Variants in PTX4 observed in about 807,000 individuals in gnomAD.
PTX4 encodes the protein pentraxin 4, also known as pentraxin-4.
In PTX4, 23 loss-of-function variants were observed where a neutral mutation model predicts 19.1. The observed-to-expected ratio is 1.20, with a 90% confidence interval of 0.87 to 1.70. The LOEUF (loss-of-function observed/expected upper bound fraction) is 1.70, where lower values mean the gene tolerates loss of function less well. Among genes scored for constraint, PTX4 ranks in the 40% most tolerant of loss-of-function variants. PTX4 has a pLI of 0.00. For synonymous variants in PTX4, 317 were observed against 279.6 expected (o/e 1.13, Z -1.33); for missense variants, 678 against 610.5 (o/e 1.11, Z -1.17).
chr16:1,487,389 G>A lies in PTX4; in HGVS notation c.723C>T (p.Ser241=). ...QGRREPPASG[S]HRVLSGTAPK... ...GGGCAGTCCCACTGAGTACCCGATG[G>A]CTGCCTGAGGCTGGAGGCTCCCGCC... is the stretch of plus-strand genomic sequence containing the variant. The change falls in exon 2 of 3, where the codon AGC becomes AGT. Residue 241 remains serine (S), a synonymous_variant. Coordinates refer to ENST00000447419, the MANE Select transcript of PTX4 (RefSeq NM_001328608.2). The A allele has an allele frequency of 6.5e-7, 1 of 1,545,398 alleles. No individual in the cohort carries two copies. The highest frequency in any genetic ancestry group is 1.3e-5 in the South Asian group (1 of 78,926).
chr16:1,487,670 C>T lies in PTX4; in HGVS notation c.442G>A (p.Asp148Asn). 6.2e-7 allele frequency: 1 copy of T among 1,602,748 alleles called. No homozygotes were observed. The highest frequency in any genetic ancestry group is 8.5e-7 in the Non-Finnish European group (1 of 1,172,714). The change falls in exon 2 of 3, where the codon GAC (aspartate) becomes AAC (asparagine). Residue 148 changes from aspartate (D) to asparagine (N), a missense_variant. Coordinates refer to ENST00000447419, the MANE Select transcript of PTX4 (RefSeq NM_001328608.2). ...CGTGCCAGTGAGTCCTGCAGGGCGT[C>T]CCTCTGGGCCTTGTGTGCCTTCCTT... ...RERKAHKAQR[D>N]ALQDSLARLE...
At position 1,486,186 on chromosome 16, in the gene PTX4, G is replaced by T. The variant is rs1404030787; in HGVS notation, c.1190C>A (p.Pro397His). ...SRFREGYEIPPGGSLVLGQEQ... is the reference protein window; with the variant it reads ...SRFREGYEIPHGGSLVLGQEQ... ...CTGGCCCAGCACGAGGGACCCTCCGGGGGGGATCTCATAGCCCTCCCTGAA... is the reference window on the plus strand; with the variant it reads ...CTGGCCCAGCACGAGGGACCCTCCGTGGGGGATCTCATAGCCCTCCCTGAA... The change falls in exon 3 of 3, where the codon CCC becomes CAC. Residue 397 changes from proline (P) to histidine (H), a missense_variant. Pro to His is a moderately conservative substitution (Grantham distance 77). Transcript: ENST00000447419. The T allele has an allele frequency of 2.5e-6, 4 of 1,613,868 alleles. No individual in the cohort carries two copies. The South Asian group carries it at 4.4e-5, about 18-fold the overall frequency.
chr16:1,487,333 G>A lies in PTX4; in HGVS notation c.779C>T (p.Pro260Leu). 1.9e-6 allele frequency: 3 copies of A among 1,550,552 alleles called. No homozygotes were observed. Among genetic ancestry groups the A allele is most frequent in the Non-Finnish European group, 2.6e-6 (3 of 1,154,672 alleles). The part of the protein sequence containing the change: ...PKDPRQQAWS[P>L]QVPGEICGVG... ...GTACTTACTCTCTCCTGGCACCTGGGGGGACCATGCCTGCTGCCGAGGGTC... is the reference window on the plus strand; with the variant it reads ...GTACTTACTCTCTCCTGGCACCTGGAGGGACCATGCCTGCTGCCGAGGGTC... The change falls in exon 2 of 3, where the codon CCC becomes CTC. Residue 260 changes from proline to leucine, a missense_variant. Pro to Leu is a moderately conservative substitution (Grantham distance 98, BLOSUM62 -3). Coordinates refer to ENST00000447419, the MANE Select transcript of PTX4 (RefSeq NM_001328608.2).
At position 1,486,052 on chromosome 16, in the gene PTX4, G is replaced by A; in HGVS notation, c.1324C>T (p.Leu442Phe). 2.5e-6 allele frequency: 4 copies of A among 1,614,186 alleles called. No individual in the cohort carries two copies. The highest frequency in any genetic ancestry group is 4.5e-5 in the East Asian group (2 of 44,888). Residue 442 changes from leucine to phenylalanine, a missense_variant, in exon 3 of 3, where the codon CTT becomes TTT. Coordinates refer to ENST00000447419, the MANE Select transcript of PTX4 (RefSeq NM_001328608.2). The part of the protein sequence containing the change: ...RALVPGEVAN[L>F]AIGKEFPTGA... Reference sequence around the variant, plus strand: ...GTCGGGAACTCTTTCCCGATGGCAAGGTTTGCAACTTCCCCGGGAACCAGC... The same window carrying A: ...GTCGGGAACTCTTTCCCGATGGCAAAGTTTGCAACTTCCCCGGGAACCAGC...
Position 1,486,560 on chromosome 16 carries a change from G to T in PTX4, c.816C>A (p.Thr272=). The T allele has an allele frequency of 6.4e-7, 1 of 1,554,480 alleles. No individual in the cohort carries two copies. Among genetic ancestry groups the T allele is most frequent in the Non-Finnish European group, 8.7e-7 (1 of 1,152,384 alleles). The change falls in exon 3 of 3, where the codon ACC becomes ACA. Residue 272 remains threonine (T), a synonymous_variant. Transcript: ENST00000447419. ...VPGEICGVGP[T]LVFPNASTRN... is the part of the protein sequence containing the mutation. ...TGGTGGAGGCGTTTGGGAAAACGAG[G>T]GTGGGGCCCACGCCGCAAACTAGAA...
chr16:1,488,411 C>T, intron 1 of PTX4: 1 of 1,613,714 alleles, frequency 6.2e-7, no homozygotes, highest in Non-Finnish European at 8.5e-7. Flanking sequence ...GTCCGGGAGG[C>T]CGTTCACACC....
chr16:1,487,841 TG>T lies in PTX4; in HGVS notation c.270del (p.Asn91ThrfsTer18). On this transcript the variant is annotated frameshift_variant, in exon 2 of 3. Coordinates refer to ENST00000447419, the MANE Select transcript of PTX4 (RefSeq NM_001328608.2). LOFTEE classifies it high-confidence loss of function. Reference protein sequence around the residue: ...AEESQAVAQAVNRSQASVQGE... With the variant: ...AEESQAVAQAXNRSQASVQGE... ...CCCTGCACCGAGGCCTGTGACCGGT[TG>T]ACTGCCTGAGCCACAGCCTGGCTCT... is the stretch of plus-strand genomic sequence containing the variant. 6.2e-7 allele frequency: 1 copy of T among 1,613,092 alleles called. No homozygotes were observed. The highest frequency in any genetic ancestry group is 2.2e-5 in the East Asian group (1 of 44,872).
At chr16:1,486,693 G>T in intron 2 of PTX4, 114 bp from the exon 3 acceptor site, 3 of 1,127,178 alleles carry the variant, frequency 2.7e-6, no homozygotes, top group Non-Finnish European at 3.7e-6. Context: ...CCTTCACGGA[G>T]CACTGACTCT....
chr16:1,488,111 G>T, intron 1 of PTX4, 141 bp from the exon 2 acceptor site: 1 of 1,049,132 alleles, frequency 9.5e-7, no homozygotes, highest in Non-Finnish European at 1.4e-6. Flanking sequence ...CCACCGATTT[G>T]ATCCCCACTG....
chr16:1,485,977 G>C lies in PTX4; in HGVS notation c.1399C>G (p.Gln467Glu), dbSNP rs760261354. 1 of 1,611,304 alleles carries C rather than the reference G, an allele frequency of 6.2e-7. No individual in the cohort carries two copies. The highest frequency in any genetic ancestry group is 8.5e-7 in the Non-Finnish European group (1 of 1,179,724). Reference protein sequence around the residue: ...ANAALAGGFVQGANCTCLERC... With the variant: ...ANAALAGGFVEGANCTCLERC... The stretch of plus-strand genomic sequence containing the variant: ...TCCAGGCAGGTGCAGTTGGCCCCCT[G>C]CACAAATCCGCCTGCTAGTGCAGCA... Residue 467 changes from glutamine (Q) to glutamate (E), a missense_variant, in exon 3 of 3, where the codon CAG becomes GAG. Transcript: ENST00000447419.
In PTX4 at chr16:1,485,988, C is replaced by T; in HGVS notation, c.1388G>A (p.Gly463Asp). ...GCAGTTGGCCCCCTGCACAAATCCGCCTGCTAGTGCAGCATTGGCCAGCGT... is the reference window on the plus strand; with the variant it reads ...GCAGTTGGCCCCCTGCACAAATCCGTCTGCTAGTGCAGCATTGGCCAGCGT... ...ILTLANAALA[G>D]GFVQGANCTC... The change falls in exon 3 of 3, where the codon GGC (glycine) becomes GAC (aspartate). Residue 463 changes from glycine (G) to aspartate (D), a missense_variant. Coordinates refer to ENST00000447419, the MANE Select transcript of PTX4 (RefSeq NM_001328608.2). 2 of 1,612,684 alleles carry T rather than the reference C, an allele frequency of 1.2e-6. No individual in the cohort carries two copies. The highest frequency in any genetic ancestry group is 2.2e-5 in the South Asian group (2 of 91,086).
In PTX4 at chr16:1,487,488, C is replaced by T; in HGVS notation, c.624G>A (p.Arg208=). ...AGGCAGCTCGGAGCTCCTGCCTGTCCCTCTGAAGCTTCAGGGAGGTCGGGC... is the reference window on the plus strand; with the variant it reads ...AGGCAGCTCGGAGCTCCTGCCTGTCTCTCTGAAGCTTCAGGGAGGTCGGGC... The part of the protein sequence containing the change: ...ELGPTSLKLQ[R]DRQELRAASE... Residue 208 remains arginine, a synonymous_variant, in exon 2 of 3, where the codon AGG becomes AGA. Transcript: ENST00000447419. The T allele has an allele frequency of 6.6e-7, 1 of 1,508,682 alleles. No individual in the cohort carries two copies. Among genetic ancestry groups the T allele is most frequent in the Middle Eastern group, 2.0e-4 (1 of 5,072 alleles). 93.5% of individuals were successfully genotyped at this position (1,508,682 alleles called of 1,614,324 possible).
Position 1,486,318 on chromosome 16 carries a change from T to A in PTX4, c.1058A>T (p.Gln353Leu). The A allele has an allele frequency of 1.2e-6, 2 of 1,613,740 alleles. No homozygotes were observed. The highest frequency in any genetic ancestry group is 1.7e-6 in the Non-Finnish European group (2 of 1,179,982). Residue 353 changes from glutamine (Q) to leucine (L), a missense_variant, in exon 3 of 3, where the codon CAG becomes CTG. Gln to Leu is a moderately radical substitution (Grantham distance 113, BLOSUM62 -2). Transcript: ENST00000447419. ...GDPAFRELPL[Q>L]LLLDGQWHHI... ...GTGCCACTGGCCGTCCAGCAGCAGC[T>A]GCAAGGGCAGCTCCCTGAAGGCCGG...
rs530362956 is a variant in PTX4, at chr16:1,486,572, G to A, written c.804C>T (p.Gly268=). Residue 268 remains glycine (G), a synonymous_variant, in exon 3 of 3, where the codon GGC becomes GGT. Transcript: ENST00000447419. Reference sequence around the variant, plus strand: ...TTGGGAAAACGAGGGTGGGGCCCACGCCGCAAACTAGAAACAGAGGAGGGA... The same window carrying A: ...TTGGGAAAACGAGGGTGGGGCCCACACCGCAAACTAGAAACAGAGGAGGGA... ...WSPQVPGEIC[G]VGPTLVFPNA... is the part of the protein sequence containing the mutation. The A allele has an allele frequency of 6.2e-5, 96 of 1,543,102 alleles. 3 individuals carry two copies. In the South Asian group the frequency reaches 1.0e-3, roughly 17 times the overall value.
intron 1 of PTX4, chr16:1,488,453 G>A (rs2039270719): frequency 6.2e-7 from 1 of 1,613,716 alleles, no homozygotes; most frequent in South Asian, 1.1e-5. Flanking sequence ...TGACCTCCCA[G>A]TTTCCACTCC....
At position 1,485,947 on chromosome 16, in the gene PTX4, A is replaced by AGCG; in HGVS notation, c.1426_1428dup (p.Arg476dup). ...CCCCGTGCGGCTCGGCCTCAGGGAC[A>AGCG]GCGTTCCAGGCAGGTGCAGTTGGCC... On this transcript the variant is annotated inframe_insertion, in exon 3 of 3. Transcript: ENST00000447419. 1 of 1,603,338 alleles carries AGCG rather than the reference A, an allele frequency of 6.2e-7. No individual in the cohort carries two copies. The highest frequency in any genetic ancestry group is 8.5e-7 in the Non-Finnish European group (1 of 1,176,420).
chr16:1,485,928 G>A lies in PTX4; in HGVS notation c.*11C>T, dbSNP rs771690462. Reference sequence around the variant, plus strand: ...TGCCCTTGCTGGCCTCAGCCCCCGTGCGGCTCGGCCTCAGGGACAGCGTTC... The same window carrying A: ...TGCCCTTGCTGGCCTCAGCCCCCGTACGGCTCGGCCTCAGGGACAGCGTTC... On this transcript the variant is annotated 3_prime_UTR_variant, in exon 3 of 3. Transcript: ENST00000447419. The A allele has an allele frequency of 8.8e-6, 14 of 1,590,322 alleles. No homozygotes were observed. Among genetic ancestry groups the A allele is most frequent in the Non-Finnish European group, 1.2e-5 (14 of 1,170,366 alleles).
chr16:1,487,298 G>C lies in PTX4; in HGVS notation c.796+18C>G. On this transcript the variant is annotated intron_variant, in intron 2 of 2. Coordinates refer to ENST00000447419, the MANE Select transcript of PTX4 (RefSeq NM_001328608.2). Reference sequence around the variant, plus strand: ...TGGAGGGAAGCCTGGCCGTGAGCTGGGAGCCTGTGGTACTTACTCTCTCCT... The same window carrying C: ...TGGAGGGAAGCCTGGCCGTGAGCTGCGAGCCTGTGGTACTTACTCTCTCCT... 6.7e-7 allele frequency: 1 copy of C among 1,502,186 alleles called. No homozygotes were observed. The highest frequency in any genetic ancestry group is 8.8e-7 in the Non-Finnish European group (1 of 1,132,502). The allele number at this position is 1,502,186 out of a possible 1,614,324, so 93.1% of individuals were successfully genotyped here.
Position 1,486,144 on chromosome 16 carries a change from C to G in PTX4, c.1232G>C (p.Gly411Ala), listed in dbSNP as rs2039242267. The G allele has an allele frequency of 6.2e-7, 1 of 1,614,198 alleles. No homozygotes were observed. ...GGCCTCGGAGCTGTCGAATCCGCCC[C>G]CCACGCTGTCTTGTTCCTGGCCCAG... ...LVLGQEQDSVGGGFDSSEAFV... is the reference protein window; with the variant it reads ...LVLGQEQDSVAGGFDSSEAFV... Residue 411 changes from glycine (G) to alanine (A), a missense_variant, in exon 3 of 3, where the codon GGG (glycine) becomes GCG (alanine). Coordinates refer to ENST00000447419, the MANE Select transcript of PTX4 (RefSeq NM_001328608.2).
Sources: allele counts gnomAD v4.1 joint callset, GRCh38; gene constraint gnomAD v4.1.1; transcripts MANE v1.5; gene names NCBI Gene and HGNC (gene_info 2026-07-23, HGNC 2026-07-21).